HEATR4: variants seen among roughly 807,000 people sequenced by gnomAD.
HEATR4 encodes the protein HEAT repeat containing 4.
In HEATR4, 95 loss-of-function variants were observed where a neutral mutation model predicts 108.8. The observed-to-expected ratio is 0.87, with a 90% CI of 0.74 to 1.04. The LOEUF (loss-of-function observed/expected upper bound fraction) is 1.04, where lower values mean the gene tolerates loss of function less well. Ranked by LOEUF, HEATR4 falls within the 50% of genes least tolerant of loss-of-function variation. The pLI is 0.00. For missense variants in HEATR4, 1,152 were observed against 1,253.8 expected, an observed-to-expected ratio of 0.92 and a Z score of 1.23; for synonymous variants, 443 against 459.4, an observed-to-expected ratio of 0.96 and a Z score of 0.46.
the HEATR4 span, among the ~76,000 whole-genome samples, chr14:73,597,264 T>G: frequency 6.6e-6 from 1 of 151,684 alleles, no homozygotes; most frequent in Non-Finnish European, 1.5e-5. Flanking sequence ...TTTTGTATTT[T>G]TAGTAGAGAC....
the HEATR4 span, chr14:73,582,527 C>T: frequency 6.6e-6 from 1 of 151,654 alleles, no homozygotes; most frequent in East Asian, 1.9e-4. Flanking sequence ...GCAAAGCTGT[C>T]TTCATTAGGG....
intron 17 of HEATR4, chr14:73,491,017 C>T: frequency 1.3e-6 from 2 of 1,495,052 alleles, no homozygotes; most frequent in Non-Finnish European, 8.9e-7. Flanking sequence ...GTGGTCTGGC[C>T]ATGGATGGGC....
chr14:73,613,179 C>T, the HEATR4 span: 21 of 459,214 alleles, frequency 4.6e-5, no homozygotes, highest in Admixed American at 1.8e-4. Context: ...CCGCTGTTGC[C>T]CAGGCTGGAG....
chr14:73,525,297 C>T (rs1284388583), intron 2 of HEATR4, among the ~76,000 whole-genome samples: 1 of 152,210 alleles, frequency 6.6e-6, no homozygotes, highest in East Asian at 1.9e-4. Flanking sequence ...CTTCTCAAAG[C>T]GTTGGGATTA....
At chr14:73,524,451 T>C (rs1176962239) in intron 2 of HEATR4, among the ~76,000 whole-genome samples, 3 of 150,830 alleles carry the variant, frequency 2.0e-5, no homozygotes, top group Non-Finnish European at 4.4e-5. Context: ...TAACAAATGC[T>C]TAGATTTAAT....
rs758244143 is a variant in HEATR4, at chr14:73,486,229, CA to C, written c.2844+6836del. ...CATCCCTCAATGCTAGTAGCACCCC[CA>C]CTGTTGGACAACCAAAAATATCTCT... On this transcript the variant is annotated intron_variant, in intron 17 of 17. Coordinates refer to ENST00000553558, the MANE Select transcript of HEATR4 (RefSeq NM_001220484.1). 3.3e-5 allele frequency among the ~76,000 whole-genome samples: 5 copies of C among 152,302 alleles called. 1 individual carries two copies. The South Asian group carries it at 1.0e-3, about 32-fold the overall frequency.
intron 10 of HEATR4, among the ~76,000 whole-genome samples, chr14:73,505,219 T>C (rs1015763820): frequency 1.3e-5 from 2 of 152,200 alleles, no homozygotes; most frequent in East Asian, 3.9e-4. Flanking sequence ...ACCGGACCCC[T>C]TCACAGAACT....
the HEATR4 span, chr14:73,595,673 A>G: frequency 2.0e-6 from 3 of 1,510,448 alleles, no homozygotes; most frequent in South Asian, 2.7e-5. Flanking sequence ...TCTGTTGTTG[A>G]CATGAGAGAT....
At chr14:73,579,744 A>G in the HEATR4 span, among the ~76,000 whole-genome samples, 1 of 151,882 alleles carries the variant, frequency 6.6e-6, no homozygotes, top group Non-Finnish European at 1.5e-5. Context: ...AAAGGGAACC[A>G]CTACGTAAAC....
the HEATR4 span, among the ~76,000 whole-genome samples, chr14:73,587,524 T>G: frequency 6.6e-6 from 1 of 152,074 alleles, no homozygotes; most frequent in African/African-American, 2.4e-5. Flanking sequence ...CCCAGCTAAT[T>G]TTTGCATTTT....
At chr14:73,605,486 A>T in the HEATR4 span, among the ~76,000 whole-genome samples, 1 of 151,192 alleles carries the variant, frequency 6.6e-6, no homozygotes, top group Admixed American at 6.6e-5. Context: ...CCTGGGAACT[A>T]GACTACTGAC....
the HEATR4 span, among the ~76,000 whole-genome samples, chr14:73,593,420 C>A: frequency 7.0e-6 from 1 of 142,322 alleles, no homozygotes; most frequent in South Asian, 2.2e-4. Flanking sequence ...CTCACTGCAG[C>A]CTTGACCTCT....
chr14:73,604,164 C>CTTTTTTTTTTTTTT, the HEATR4 span, among the ~76,000 whole-genome samples: 4 of 120,780 alleles, frequency 3.3e-5, no homozygotes, highest in African/African-American at 9.9e-5. Flanking sequence ...TTGCTAATTT[C>CTTTTTTTTTTTTTT]TTTTTTTTTT....
At chr14:73,490,880 A>G in intron 17 of HEATR4, 1 of 903,012 alleles carries the variant, frequency 1.1e-6, no homozygotes, top group East Asian at 3.3e-5. Context: ...GCCGAATAGA[A>G]GAATGATGGG....
chr14:73,555,809 C>A lies in HEATR4; in HGVS notation c.-152+2942G>T, dbSNP rs1889384316. Among the ~76,000 whole-genome samples the A allele has an allele frequency of 1.8e-5, 2 of 111,582 alleles. 1 individual carries two copies. The highest frequency in any genetic ancestry group is 5.8e-5 in the African/African-American group (2 of 34,554). The allele number at this position is 111,582 out of a possible 152,430, so 73.2% of individuals were successfully genotyped here. ...CCAAGGTCAGGAGTTCGAGACCAGCCAGCCTGATCAACATGGAGAAACCCC... is the reference window on the plus strand; with the variant it reads ...CCAAGGTCAGGAGTTCGAGACCAGCAAGCCTGATCAACATGGAGAAACCCC... On this transcript the variant is annotated intron_variant, in intron 1 of 17. Coordinates refer to ENST00000553558, the MANE Select transcript of HEATR4 (RefSeq NM_001220484.1).
intron 12 of HEATR4, 149 bp downstream of exon 12, chr14:73,500,401 C>T: frequency 2.7e-6 from 2 of 732,288 alleles, no homozygotes; most frequent in East Asian, 2.7e-5. Context: ...TGAAACAGTC[C>T]TGTTTGAAGT....
At chr14:73,586,718 A>G in the HEATR4 span, among the ~76,000 whole-genome samples, 2 of 151,752 alleles carry the variant, frequency 1.3e-5, no homozygotes, top group East Asian at 3.9e-4. Flanking sequence ...AAAAAAAAAA[A>G]AAATTGTTTT....
Position 73,506,804 on chromosome 14 carries a change from G to GTTTTTTTTTTTTTTTTT in HEATR4, c.1882-250_1882-234dup, listed in dbSNP as rs34660727. ...GGACCTTCCTTTCCTGACTTTAACT[G>GTTTTTTTTTTTTTTTTT]TTTTTTTTTTTTTTTTTTTTTCTGA... On this transcript the variant is annotated intron_variant, in intron 9 of 17. Coordinates refer to ENST00000553558, the MANE Select transcript of HEATR4 (RefSeq NM_001220484.1). 7.2e-4 allele frequency among the ~76,000 whole-genome samples: 58 copies of GTTTTTTTTTTTTTTTTT among 80,484 alleles called. 10 individuals are homozygous for GTTTTTTTTTTTTTTTTT. The highest frequency in any genetic ancestry group is 4.6e-3 in the East Asian group (8 of 1,738). 52.8% of individuals were successfully genotyped at this position (80,484 alleles called of 152,430 possible).
At chr14:73,612,446 C>T in the HEATR4 span, 1 of 621,300 alleles carries the variant, frequency 1.6e-6, no homozygotes, top group Non-Finnish European at 2.4e-6. Flanking sequence ...AGCCTGTCCC[C>T]AAGTCCAACC....
Sources: allele counts gnomAD v4.1 joint callset (sites outside exome capture counted in the v4.1 genomes callset), GRCh38; gene constraint gnomAD v4.1.1; transcripts MANE v1.5; gene names NCBI Gene and HGNC (gene_info 2026-07-23, HGNC 2026-07-21).